The following CNNM1 variants were observed in gnomAD, a reference collection of about 807,000 sequenced individuals.
CNNM1 encodes the protein cyclin and CBS domain divalent metal cation transport mediator 1, also known as metal transporter CNNM1.
CNNM1 carries 44 observed loss-of-function variants against 78.8 expected under a neutral mutation model. That is an observed-to-expected ratio of 0.56 (90% CI 0.44 to 0.72). The LOEUF is 0.72. Ranked by LOEUF, CNNM1 falls within the 30% of genes least tolerant of loss-of-function variation. The pLI is 0.00. For missense variants in CNNM1, 1,101 were observed against 1,292.2 expected (o/e 0.85, Z 2.27); for synonymous variants, 584 against 581.5 (o/e 1.00, Z -0.06).
At chr10:99,356,584 G>GAAAAGA (rs977921874) in intron 1 of CNNM1, among the ~76,000 whole-genome samples, 1 of 63,440 alleles carries the variant, frequency 1.6e-5, no homozygotes, top group Admixed American at 1.6e-4. Context: ...AAGAAAGAAA[G>GAAAAGA]AAAGAAAGAA....
chr10:99,366,451 C>A (rs2031621421), intron 6 of CNNM1, among the ~76,000 whole-genome samples: 1 of 151,578 alleles, frequency 6.6e-6, no homozygotes, highest in South Asian at 2.1e-4. Context: ...TCCTAGCCCA[C>A]CCAATTTATA....
chr10:99,364,101 A>G (rs1481580515), intron 4 of CNNM1, among the ~76,000 whole-genome samples: 1 of 152,188 alleles, frequency 6.6e-6, no homozygotes, highest in African/African-American at 2.4e-5. Flanking sequence ...CCAGTGGGGC[A>G]GTTTATGAGG....
intron 5 of CNNM1, 85 bp downstream of exon 5, chr10:99,364,601 G>A: frequency 9.0e-7 from 1 of 1,105,840 alleles, no homozygotes; most frequent in Non-Finnish European, 1.3e-6. Context: ...CTCCCCCTTT[G>A]ACTCTTGTTA....
chr10:99,376,872 TC>T (rs1446403844), intron 6 of CNNM1, among the ~76,000 whole-genome samples, 182 bp from the exon 7 acceptor site: 1 of 152,018 alleles, frequency 6.6e-6, no homozygotes, highest in Non-Finnish European at 1.5e-5. Flanking sequence ...CTCAGCTCCT[TC>T]CCCGGGCTCT....
rs1230755952 is a variant in CNNM1 at position 99,353,829 on chromosome 10, G to A, written c.1574-3683G>A. 2.6e-5 allele frequency among the ~76,000 whole-genome samples: 4 copies of A among 152,124 alleles called. No homozygotes were observed. In the South Asian group the frequency reaches 8.3e-4, roughly 32 times the overall value. ...AAATGTTTCTAAATAGCTTACCTAG[G>A]TACATTATCTTAAATATTATATAAT... On this transcript the variant is annotated intron_variant, in intron 1 of 10. Coordinates refer to ENST00000356713, the MANE Select transcript of CNNM1 (RefSeq NM_020348.3).
rs764454140 is a variant in CNNM1, at chr10:99,362,359, G to A, written c.1991G>A (p.Arg664His). 21 of 1,613,914 alleles carry A rather than the reference G, an allele frequency of 1.3e-5. No individual in the cohort carries two copies. The highest frequency in any genetic ancestry group is 2.2e-5 in the South Asian group (2 of 91,078). Residue 664 changes from arginine to histidine, a missense_variant, in exon 4 of 11, where the codon CGC (arginine) becomes CAC (histidine). Physicochemically the swap from Arg to His is conservative, Grantham distance 29. Transcript: ENST00000356713. ...GCCCCGGAACACTACCTCTACCAGC[G>A]CAACCGCCCTGTGGACTACTTTGTG... The part of the protein sequence containing the change: ...KKAPEHYLYQ[R>H]NRPVDYFVLL...
intron 6 of CNNM1, among the ~76,000 whole-genome samples, chr10:99,367,783 A>G (rs1174543716): frequency 6.6e-6 from 1 of 152,146 alleles, no homozygotes; most frequent in East Asian, 1.9e-4. Context: ...TTAGCTCCTT[A>G]AAAAGGACTC....
intron 1 of CNNM1, among the ~76,000 whole-genome samples, chr10:99,331,726 G>C (rs182278497): frequency 7.9e-5 from 12 of 152,228 alleles, no homozygotes; most frequent in Non-Finnish European, 1.6e-4. Flanking sequence ...TCTTTGCCCG[G>C]GGGGGAGGGA....
Position 99,362,279 on chromosome 10 carries a change from C to A in CNNM1, c.1911C>A (p.Leu637=), listed in dbSNP as rs779431010. 2 of 1,613,940 alleles carry A rather than the reference C, an allele frequency of 1.2e-6. No homozygotes were observed. The highest frequency in any genetic ancestry group is 1.7e-6 in the Non-Finnish European group (2 of 1,179,858). The change falls in exon 4 of 11, where the codon CTC becomes CTA. Residue 637 remains leucine, a synonymous_variant. Transcript: ENST00000356713. The part of the protein sequence containing the change: ...LYLSEKILLR[L]LKHPNVIQEL... ...TTTCGGAGAAGATCCTGCTCCGGCTCCTGAAACATCCCAACGTGATCCAGG... is the reference window on the plus strand; with the variant it reads ...TTTCGGAGAAGATCCTGCTCCGGCTACTGAAACATCCCAACGTGATCCAGG...
At chr10:99,353,723 G>A (rs1392089996) in intron 1 of CNNM1, among the ~76,000 whole-genome samples, 1 of 152,224 alleles carries the variant, frequency 6.6e-6, no homozygotes, top group African/African-American at 2.4e-5. Flanking sequence ...CTGTACTTAA[G>A]AAGAAATGGC....
intron 1 of CNNM1, among the ~76,000 whole-genome samples, chr10:99,350,366 A>G (rs2030896341): frequency 1.3e-5 from 2 of 152,198 alleles, no homozygotes; most frequent in South Asian, 2.1e-4. Context: ...CTTTCCTCCT[A>G]GCTTTTTATT....
At chr10:99,384,438 T>C (rs1371255793) in intron 7 of CNNM1, among the ~76,000 whole-genome samples, 1 of 152,168 alleles carries the variant, frequency 6.6e-6, no homozygotes, top group Non-Finnish European at 1.5e-5. Flanking sequence ...GTGGTACCTT[T>C]CCTTTTATAT....
intron 6 of CNNM1, among the ~76,000 whole-genome samples, chr10:99,368,950 C>T (rs1472115324): frequency 6.6e-6 from 1 of 152,180 alleles, no homozygotes; most frequent in Non-Finnish European, 1.5e-5. Context: ...TGAGTTTTTC[C>T]TCATTTGTCT....
rs1218096015 is a variant in CNNM1, at chr10:99,362,265, A to G, written c.1897A>G (p.Ile633Val). ...PFKSLYLSEK[I>V]LLRLLKHPNV... ...TAAGTCTCTGTACCTTTCGGAGAAG[A>G]TCCTGCTCCGGCTCCTGAAACATCC... The change falls in exon 4 of 11, where the codon ATC becomes GTC. Residue 633 changes from isoleucine to valine, a missense_variant. By Grantham distance (29) the Ile-to-Val change is conservative (BLOSUM62 3). Transcript: ENST00000356713. 6.2e-7 allele frequency: 1 copy of G among 1,613,706 alleles called. No individual in the cohort carries two copies. Among genetic ancestry groups the G allele is most frequent in the Non-Finnish European group, 8.5e-7 (1 of 1,179,828 alleles).
intron 7 of CNNM1, among the ~76,000 whole-genome samples, chr10:99,385,039 C>T (rs1014893994): frequency 4.8e-5 from 7 of 146,062 alleles, no homozygotes; most frequent in Admixed American, 1.4e-4. Flanking sequence ...CAAGACAGAG[C>T]GAGACTCCAT....
rs1324658424 is a variant in CNNM1, at chr10:99,360,929, G to A, written c.1812G>A (p.Lys604=). 1.9e-6 allele frequency: 3 copies of A among 1,612,960 alleles called. No individual in the cohort carries two copies. The highest frequency in any genetic ancestry group is 2.5e-6 in the Non-Finnish European group (3 of 1,179,044). Residue 604 remains lysine, a synonymous_variant, in exon 3 of 11, where the codon AAG becomes AAA. Coordinates refer to ENST00000356713, the MANE Select transcript of CNNM1 (RefSeq NM_020348.3). ...TTTCGGACACGGAGATGCGGGTGAA[G>A]ATCTCACCACAGCTTCTGCTAGCCA... ...FKLSDTEMRV[K]ISPQLLLATH...
At chr10:99,334,582 C>T (rs528413300) in intron 1 of CNNM1, among the ~76,000 whole-genome samples, 9 of 151,960 alleles carry the variant, frequency 5.9e-5, no homozygotes, top group Non-Finnish European at 1.3e-4. Context: ...AGACAGGAGG[C>T]GGAGGTTGCA....
At chr10:99,381,760 A>G (rs990109150) in intron 7 of CNNM1, among the ~76,000 whole-genome samples, 1 of 150,842 alleles carries the variant, frequency 6.6e-6, no homozygotes, top group Admixed American at 6.6e-5. Context: ...AAAAACCAAA[A>G]AACAAAAAAA....
intron 1 of CNNM1, among the ~76,000 whole-genome samples, chr10:99,350,504 T>C (rs964098188): frequency 1.3e-5 from 2 of 152,212 alleles, no homozygotes; most frequent in Admixed American, 1.3e-4. Flanking sequence ...AGAGCTCTTA[T>C]CTATGGATGT....
Sources: allele counts gnomAD v4.1 joint callset (sites outside exome capture counted in the v4.1 genomes callset), GRCh38; gene constraint gnomAD v4.1.1; transcripts MANE v1.5; gene names NCBI Gene and HGNC (gene_info 2026-07-23, HGNC 2026-07-21).